CCDC69: variants seen among roughly 807,000 people sequenced by gnomAD.
CCDC69 encodes coiled-coil domain containing 69.
CCDC69 carries 38 observed loss-of-function variants against 40.3 expected under a neutral mutation model. The ratio of observed to expected loss-of-function variants is 0.94; its 90% CI spans 0.73 to 1.24. The LOEUF (loss-of-function observed/expected upper bound fraction) is 1.24. Among genes scored for constraint, CCDC69 ranks in the 50% most tolerant of loss-of-function variants. The probability of loss-of-function intolerance (pLI) is 0.00; values close to 1 mark genes in which losing one functional copy is unlikely to be tolerated. For missense variants in CCDC69, 389 were observed against 357.9 expected (o/e 1.09, Z -0.70); for synonymous variants, 141 against 138.9 (o/e 1.02, Z -0.11).
At chr5:151,195,718 C>CAAAAA (rs765505789) in intron 4 of CCDC69, among the ~76,000 whole-genome samples, 23 of 60,414 alleles carry the variant, frequency 3.8e-4, no homozygotes, top group South Asian at 7.2e-4. Flanking sequence ...GACTCCATCT[C>CAAAAA]AAAAAAAAAA....
Position 151,222,257 on chromosome 5 carries a change from C to G in CCDC69, c.48+1666G>C, listed in dbSNP as rs1753144693. On this transcript the variant is annotated intron_variant, in intron 1 of 8. Transcript: ENST00000355417. ...TAGTACCCAAAGGCCCTTTCCAACT[C>G]AGACAGGCTGTGCCAGCTTTACTTG... Among the ~76,000 whole-genome samples the G allele has an allele frequency of 2.6e-5, 4 of 152,366 alleles. No individual in the cohort carries two copies. The South Asian group carries it at 8.3e-4, about 32-fold the overall frequency.
rs1046749747 is a variant in CCDC69, at chr5:151,183,601, C to A, written c.727G>T (p.Asp243Tyr). Residue 243 changes from aspartate (D) to tyrosine (Y), a missense_variant, in exon 9 of 9, where the codon GAC becomes TAC. Transcript: ENST00000355417. Reference protein sequence around the residue: ...QVVLSRQLSEDLLLTREALEK... With the variant: ...QVVLSRQLSEYLLLTREALEK... ...AGGGCCTCACGCGTGAGAAGCAGGT[C>A]TTCTGACAGCTGCCTGTGGATGCAC... The A allele has an allele frequency of 6.2e-7, 1 of 1,609,430 alleles. No individual in the cohort carries two copies. The highest frequency in any genetic ancestry group is 8.5e-7 in the Non-Finnish European group (1 of 1,177,796).
intron 1 of CCDC69, among the ~76,000 whole-genome samples, chr5:151,211,820 G>C (rs77064118): frequency 0.056 from 8,561 of 151,990 alleles, 747 homozygotes; most frequent in African/African-American, 0.19. Context: ...CACCACGCCT[G>C]GCCGGAATCT....
chr5:151,183,435 C>A lies in CCDC69; in HGVS notation c.*2G>T, dbSNP rs1766672955. On this transcript the variant is annotated 3_prime_UTR_variant, in exon 9 of 9. Transcript: ENST00000355417. Reference sequence around the variant, plus strand: ...CGTCGTGGTGGGCCCAGGCCCTGCACCCTATGTGGCGAGGAAAGAGACCTC... The same window carrying A: ...CGTCGTGGTGGGCCCAGGCCCTGCAACCTATGTGGCGAGGAAAGAGACCTC... 6.3e-7 allele frequency: 1 copy of A among 1,599,370 alleles called. No individual in the cohort carries two copies.
intron 3 of CCDC69, among the ~76,000 whole-genome samples, chr5:151,200,695 C>A (rs949977079): frequency 5.3e-5 from 8 of 152,184 alleles, no homozygotes; most frequent in African/African-American, 1.7e-4. Context: ...TAGTGTCCTT[C>A]AATCTAGAAT....
intron 1 of CCDC69, among the ~76,000 whole-genome samples, chr5:151,210,101 C>G (rs77923471): frequency 6.6e-6 from 1 of 152,088 alleles, no homozygotes; most frequent in Non-Finnish European, 1.5e-5. Context: ...AAATATATTA[C>G]GAGCACTTAC....
At chr5:151,184,642 T>C (rs1482810166) in intron 7 of CCDC69, 1 of 500,562 alleles carries the variant, frequency 2.0e-6, no homozygotes, top group Non-Finnish European at 3.6e-6. Context: ...CACAGGAGAA[T>C]GGTAAAAAAA....
intron 4 of CCDC69, among the ~76,000 whole-genome samples, chr5:151,193,993 T>C (rs1335748464): frequency 6.6e-6 from 1 of 152,168 alleles, no homozygotes; most frequent in Admixed American, 6.5e-5. Flanking sequence ...TATTGAAATG[T>C]AAATTAAACC....
rs1766664317 is a variant in CCDC69 at position 151,182,916 on chromosome 5, C to T, written c.*521G>A. 9 of 391,866 alleles carry T rather than the reference C, an allele frequency of 2.3e-5. No individual in the cohort carries two copies. The highest frequency in any genetic ancestry group is 4.1e-5 in the Non-Finnish European group (8 of 193,560). 24.3% of individuals were successfully genotyped at this position (391,866 alleles called of 1,614,324 possible). On this transcript the variant is annotated 3_prime_UTR_variant, in exon 9 of 9. Transcript: ENST00000355417. The stretch of plus-strand genomic sequence containing the variant: ...TCCCCCCAACCCCTACTCTGGCCTT[C>T]AGACAATCCTAGAATGGGACACTGC...
chr5:151,223,478 C>G (rs1753167088), intron 1 of CCDC69, among the ~76,000 whole-genome samples: 1 of 152,264 alleles, frequency 6.6e-6, no homozygotes. Context: ...TCTGACAGGT[C>G]CCCAGGGATG....
rs1423505646 is a variant in CCDC69 at position 151,198,857 on chromosome 5, G to C, written c.319+140C>G. On this transcript the variant is annotated intron_variant, in intron 4 of 8. Coordinates refer to ENST00000355417, the MANE Select transcript of CCDC69 (RefSeq NM_015621.3). The stretch of plus-strand genomic sequence containing the variant: ...AGTCCATCAACCCTCTAGGGCCAAG[G>C]ATCCTGTAGATTTGAGTCAATTGCT... 1.1e-5 allele frequency: 8 copies of C among 703,444 alleles called. No homozygotes were observed. In the Admixed American group the frequency reaches 1.6e-4, roughly 14 times the overall value. 43.6% of individuals were successfully genotyped at this position (703,444 alleles called of 1,614,324 possible). A position where few individuals can be genotyped will look rare whatever the true frequency, so the allele number is the denominator to read the frequency against.
At chr5:151,198,923 A>T in intron 4 of CCDC69, 74 bp downstream of exon 4, 3 of 1,070,864 alleles carry the variant, frequency 2.8e-6, no homozygotes, top group Non-Finnish European at 4.4e-6. Context: ...GGGAGTGCCC[A>T]GGTGAACTGG....
chr5:151,210,871 G>A (rs1752935901), intron 1 of CCDC69: 1 of 152,144 alleles, frequency 6.6e-6, no homozygotes, highest in African/African-American at 2.4e-5. Flanking sequence ...GGGATGCTGA[G>A]GCACGAGATT....
At position 151,223,967 on chromosome 5, in the gene CCDC69, C is replaced by T; in HGVS notation, c.4G>A (p.Gly2Ser). 1 of 1,563,666 alleles carries T rather than the reference C, an allele frequency of 6.4e-7. No homozygotes were observed. Among genetic ancestry groups the T allele is most frequent in the Non-Finnish European group, 8.6e-7 (1 of 1,160,648 alleles). Residue 2 changes from glycine (G) to serine (S), a missense_variant, in exon 1 of 9, where the codon GGC (glycine) becomes AGC (serine). Physicochemically the swap from Gly to Ser is moderately conservative, Grantham distance 56 (BLOSUM62 0). Transcript: ENST00000355417. The part of the protein sequence containing the change: M[G>S]CRHSRLSSCK... ...CTGCTCAGCCTGCTGTGTCTGCAGC[C>T]CATCCTCCTCCGGGGGCTCCCGGAC...
chr5:151,208,152 G>A (rs1292773912), intron 1 of CCDC69, among the ~76,000 whole-genome samples: 1 of 152,138 alleles, frequency 6.6e-6, no homozygotes, highest in Non-Finnish European at 1.5e-5. Flanking sequence ...TCAGGAGGCT[G>A]AGGCATGAGA....
At position 151,218,975 on chromosome 5, in the gene CCDC69, C is replaced by T. The variant is rs540228486; in HGVS notation, c.48+4948G>A. 5.9e-5 allele frequency among the ~76,000 whole-genome samples: 9 copies of T among 152,276 alleles called. No homozygotes were observed. In the South Asian group the frequency reaches 8.3e-4, roughly 14 times the overall value. On this transcript the variant is annotated intron_variant, in intron 1 of 8. Transcript: ENST00000355417. ...TTCTAGTGTGTTTTAGGTTGCCAAACGCAAAAATCTGGTATTTAATCTCAC... is the reference window on the plus strand; with the variant it reads ...TTCTAGTGTGTTTTAGGTTGCCAAATGCAAAAATCTGGTATTTAATCTCAC...
At position 151,187,470 on chromosome 5, in the gene CCDC69, A is replaced by G; in HGVS notation, c.320-11T>C. ...ATGAGGCCCGGAGGACTGTAGGGAA[A>G]GGAGAACTCCATAAGCTCAAGACAC... is the stretch of plus-strand genomic sequence containing the variant. On this transcript the variant is annotated splice_polypyrimidine_tract_variant and intron_variant, in intron 4 of 8. Coordinates refer to ENST00000355417, the MANE Select transcript of CCDC69 (RefSeq NM_015621.3). 6.2e-7 allele frequency: 1 copy of G among 1,609,964 alleles called. No individual in the cohort carries two copies. The highest frequency in any genetic ancestry group is 8.5e-7 in the Non-Finnish European group (1 of 1,178,666).
At chr5:151,218,622 G>GCATAGA (rs924497067) in intron 1 of CCDC69, among the ~76,000 whole-genome samples, 35 of 152,348 alleles carry the variant, frequency 2.3e-4, no homozygotes, top group African/African-American at 8.2e-4. Flanking sequence ...ACCCTGAGAT[G>GCATAGA]TCAGGGGGCA....
chr5:151,201,766 G>A (rs757151906), intron 2 of CCDC69, 78 bp from the exon 3 acceptor site: 14 of 888,636 alleles, frequency 1.6e-5, no homozygotes, highest in East Asian at 5.2e-5. Context: ...CAGAGAGAGT[G>A]TGGGAAATGG....
Sources: gnomAD v4.1 joint callset for allele counts (sites outside exome capture counted in the v4.1 genomes callset) on GRCh38, gnomAD v4.1.1 for gene constraint, MANE v1.5 for transcripts, NCBI Gene and HGNC (gene_info 2026-07-23, HGNC 2026-07-21) for gene names.